SLC25A25: variants seen among roughly 807,000 people sequenced by gnomAD.
SLC25A25 encodes the protein mitochondrial adenyl nucleotide antiporter SLC25A25.
A neutral mutation model predicts 57.7 loss-of-function variants in SLC25A25; 32 were observed. That is an observed-to-expected ratio of 0.55 (90% confidence interval 0.42 to 0.74). SLC25A25 has a LOEUF of 0.74. Among genes scored for constraint, SLC25A25 ranks in the 30% least tolerant of loss-of-function variants. The pLI is 0.00. For synonymous variants in SLC25A25, 306 were observed against 291.2 expected (o/e 1.05, Z -0.52); for missense variants, 556 against 701.3 (o/e 0.79, Z 2.34).
At position 128,081,831 on chromosome 9, in the gene SLC25A25, A is replaced by C. The variant is rs147842769; in HGVS notation, c.261+13251A>C. Among the ~76,000 whole-genome samples, 204 of 152,162 alleles carry C rather than the reference A, an allele frequency of 1.3e-3. 2 individuals are homozygous for C. In the East Asian group the frequency reaches 0.031, roughly 23 times the overall value. On this transcript the variant is annotated intron_variant, in intron 1 of 10. Transcript: ENST00000373069. ...AGCTACTTGGGAGGTTGAGGTGGGA[A>C]GATCCCTTGAGCCTGGGAGGTTGAG... is the stretch of plus-strand genomic sequence containing the variant.
chr9:128,107,666 T>G lies in SLC25A25; in HGVS notation c.*222T>G. On this transcript the variant is annotated 3_prime_UTR_variant, in exon 11 of 11. Coordinates refer to ENST00000373069, the MANE Select transcript of SLC25A25 (RefSeq NM_001330988.2). The stretch of plus-strand genomic sequence containing the variant: ...TTGGTTCCAGCGAAGACCACAGGCA[T>G]TCCTTAGGGTCCAGGGTCAGCAGGC... 1 of 462,806 alleles carries G rather than the reference T, an allele frequency of 2.2e-6. No individual in the cohort carries two copies. The highest frequency in any genetic ancestry group is 6.9e-5 in the South Asian group (1 of 14,564). 28.7% of individuals were successfully genotyped at this position (462,806 alleles called of 1,614,324 possible).
intron 1 of SLC25A25, among the ~76,000 whole-genome samples, chr9:128,076,262 C>G (rs569663872): frequency 1.3e-5 from 2 of 152,120 alleles, no homozygotes; most frequent in Admixed American, 1.3e-4. Context: ...TCCCAGGTAG[C>G]TGGGATTACA....
intron 1 of SLC25A25, among the ~76,000 whole-genome samples, chr9:128,097,011 A>G (rs1001997478): frequency 1.3e-5 from 2 of 152,252 alleles, no homozygotes; most frequent in Admixed American, 1.3e-4. Flanking sequence ...TCTGTTTCAT[A>G]ATGTTGTGTG....
At chr9:128,107,201 C>G in intron 10 of SLC25A25, 22 bp downstream of exon 10, 2 of 1,613,422 alleles carry the variant, frequency 1.2e-6, no homozygotes, top group Non-Finnish European at 1.7e-6. Context: ...CCTGGACAGT[C>G]CCCTGGGAGG....
chr9:128,085,771 CA>C (rs1234902957), intron 1 of SLC25A25, among the ~76,000 whole-genome samples: 1 of 152,130 alleles, frequency 6.6e-6, no homozygotes, highest in Non-Finnish European at 1.5e-5. Context: ...TCTCACCATT[CA>C]AAATACTTTC....
rs1248465455 is a variant in SLC25A25, at chr9:128,101,721, C to T, written c.476+325C>T. Among the ~76,000 whole-genome samples, 3 of 152,106 alleles carry T rather than the reference C, an allele frequency of 2.0e-5. No homozygotes were observed. Among genetic ancestry groups the T allele is most frequent in the African/African-American group, 7.2e-5 (3 of 41,424 alleles). On this transcript the variant is annotated intron_variant, in intron 3 of 10. Coordinates refer to ENST00000373069, the MANE Select transcript of SLC25A25 (RefSeq NM_001330988.2). The surrounding 1 kb of genome is among the most constrained non-coding windows in gnomAD (Gnocchi z 4.9). ...AGGGGGCGGGGCGGGGCGGGGGGCT[C>T]ACACTGCAGCCTCGTTCCCAGGTGA...
chr9:128,098,310 C>T (rs1201409617), intron 1 of SLC25A25: 11 of 431,322 alleles, frequency 2.6e-5, no homozygotes, highest in African/African-American at 1.0e-4. Flanking sequence ...GGAGCGGTGA[C>T]GTCAGCCCTG....
chr9:128,070,969 A>AAG lies in SLC25A25; in HGVS notation c.261+2390_261+2391insGA, dbSNP rs1554730808. Among the ~76,000 whole-genome samples the AAG allele has an allele frequency of 7.7e-3, 1,010 of 130,954 alleles. 22 individuals are homozygous for AAG. The highest frequency in any genetic ancestry group is 0.012 in the Non-Finnish European group (742 of 59,600). 85.9% of individuals were successfully genotyped at this position (130,954 alleles called of 152,430 possible). ...CCATCTCAAAAAAAAAAAAAAAAAA[A>AAG]AAAAGAAAGAAAGAAAAGAAAAAAT... On this transcript the variant is annotated intron_variant, in intron 1 of 10. Transcript: ENST00000373069.
intron 1 of SLC25A25, among the ~76,000 whole-genome samples, chr9:128,081,111 G>T (rs1833147175): frequency 6.6e-6 from 1 of 152,212 alleles, no homozygotes. Flanking sequence ...TTCCTTTTCT[G>T]AATTGTTTAG....
chr9:128,080,901 A>T (rs1028190905), intron 1 of SLC25A25, among the ~76,000 whole-genome samples: 36 of 152,218 alleles, frequency 2.4e-4, no homozygotes, highest in Non-Finnish European at 4.4e-5. Context: ...TGTCCTATAA[A>T]GGCATTGTAG....
At position 128,068,390 on chromosome 9, in the gene SLC25A25, C is replaced by T. The variant is rs1832827292; in HGVS notation, c.71C>T (p.Ser24Leu). The T allele has an allele frequency of 6.4e-7, 1 of 1,557,208 alleles. No homozygotes were observed. The highest frequency in any genetic ancestry group is 1.2e-5 in the South Asian group (1 of 86,534). Residue 24 changes from serine (S) to leucine (L), a missense_variant, in exon 1 of 11, where the codon TCG (serine) becomes TTG (leucine). By Grantham distance (145) the Ser-to-Leu change is moderately radical (BLOSUM62 -2). Coordinates refer to ENST00000373069, the MANE Select transcript of SLC25A25 (RefSeq NM_001330988.2). ...GACGCCGCCGCCACCGCCGCCTCTT[C>T]GTCTGCCTCATCGCCGGCGTCCGTG... ...PPDAAATAAS[S>L]SASSPASVGD...
At chr9:128,079,409 CAAAAAAAAAAA>C (rs375501116) in intron 1 of SLC25A25, among the ~76,000 whole-genome samples, 2 of 59,804 alleles carry the variant, frequency 3.3e-5, no homozygotes, top group Non-Finnish European at 3.3e-5. Flanking sequence ...CTGCTGATGC[CAAAAAAAAAAA>C]AAAAAAAAAA....
chr9:128,075,792 C>T (rs1440666954), intron 1 of SLC25A25, among the ~76,000 whole-genome samples: 11 of 151,612 alleles, frequency 7.3e-5, no homozygotes, highest in Non-Finnish European at 1.0e-4. Flanking sequence ...TGCAGTGAGC[C>T]GAGATCGCGC....
chr9:128,087,159 G>A (rs946443979), intron 1 of SLC25A25, among the ~76,000 whole-genome samples: 9 of 150,970 alleles, frequency 6.0e-5, no homozygotes, highest in Non-Finnish European at 1.3e-4. Context: ...AGGTTACAGT[G>A]AGCTGGGATC....
chr9:128,069,832 G>A lies in SLC25A25; in HGVS notation c.261+1252G>A, dbSNP rs113844221. On this transcript the variant is annotated intron_variant, in intron 1 of 10. Transcript: ENST00000373069. ...ATTGGTGCAATCTTGGCTCACTGCA[G>A]CCTCCGCCTCCTGGGTTCAAGAGAT... Among the ~76,000 whole-genome samples the A allele has an allele frequency of 5.5e-3, 825 of 149,004 alleles. 11 individuals are homozygous for A. The highest frequency in any genetic ancestry group is 0.019 in the African/African-American group (751 of 38,880).
At position 128,095,141 on chromosome 9, in the gene SLC25A25, G is replaced by T. The variant is rs1833521925; in HGVS notation, c.262-5955G>T. Among the ~76,000 whole-genome samples, 1 of 152,188 alleles carries T rather than the reference G, an allele frequency of 6.6e-6. No homozygotes were observed. Among genetic ancestry groups the T allele is most frequent in the South Asian group, 2.1e-4 (1 of 4,836 alleles). Reference sequence around the variant, plus strand: ...AAGCTGTGACACAAACACCGTTTTTGGTTGTATTTAGCTAGGGCTCAACTT... The same window carrying T: ...AAGCTGTGACACAAACACCGTTTTTTGTTGTATTTAGCTAGGGCTCAACTT... On this transcript the variant is annotated intron_variant, in intron 1 of 10. Transcript: ENST00000373069. This position sits in a 1 kb window ranked among gnomAD's most constrained non-coding sequence, Gnocchi z 4.4.
intron 1 of SLC25A25, among the ~76,000 whole-genome samples, chr9:128,096,468 C>A (rs1395518474): frequency 1.3e-5 from 2 of 152,172 alleles, no homozygotes; most frequent in Non-Finnish European, 2.9e-5. Flanking sequence ...GAGATCGTGC[C>A]ACTGCACTCC....
In SLC25A25 at chr9:128,068,579, A is replaced by G. The variant is rs746118191; in HGVS notation, c.260A>G (p.Gln87Arg). ...LGLHRTEGEL[Q>R]KIVQAGDKDL... is the part of the protein sequence containing the mutation. ...CTGCACCGCACCGAGGGCGAGCTCC[A>G]GGTAGGCTGCGCGCGTCCTCAGCAC... Residue 87 changes from glutamine (Q) to arginine (R), a missense_variant and splice_region_variant, in exon 1 of 11, where the codon CAG becomes CGG. Transcript: ENST00000373069. The G allele has an allele frequency of 3.5e-6, 5 of 1,413,066 alleles. No individual in the cohort carries two copies. Among genetic ancestry groups the G allele is most frequent in the South Asian group, 1.6e-5 (1 of 64,516 alleles). 87.5% of individuals were successfully genotyped at this position (1,413,066 alleles called of 1,614,324 possible). A position where few individuals can be genotyped will look rare whatever the true frequency, so the allele number is the denominator to read the frequency against.
rs1833705838 is a variant in SLC25A25, at chr9:128,099,651, CT to C, written c.262-1444del. Among the ~76,000 whole-genome samples, 1 of 152,250 alleles carries C rather than the reference CT, an allele frequency of 6.6e-6. No individual in the cohort carries two copies. The highest frequency in any genetic ancestry group is 2.4e-5 in the African/African-American group (1 of 41,464). On this transcript the variant is annotated intron_variant, in intron 1 of 10. Coordinates refer to ENST00000373069, the MANE Select transcript of SLC25A25 (RefSeq NM_001330988.2). This position sits in a 1 kb window ranked among gnomAD's most constrained non-coding sequence, Gnocchi z 6.8. The stretch of plus-strand genomic sequence containing the variant: ...CAGCAGATAAAATATGTACCTGCAT[CT>C]GTCCTACATTCCAGCCACGCCCCTC...
Sources: gnomAD v4.1 joint callset for allele counts (sites outside exome capture counted in the v4.1 genomes callset) on GRCh38, gnomAD v4.1.1 for gene constraint, Gnocchi (gnomAD v3.1) non-coding constraint, MANE v1.5 for transcripts, NCBI Gene and HGNC (gene_info 2026-07-23, HGNC 2026-07-21) for gene names.